Variants in PHACTR1 observed in about 807,000 individuals in gnomAD.
The protein encoded by PHACTR1 is phosphatase and actin regulator 1.
PHACTR1 carries 16 observed loss-of-function variants against 69.2 expected under a neutral mutation model. The observed-to-expected ratio is 0.23, with a 90% CI of 0.16 to 0.35. The LOEUF is 0.35. PHACTR1 is among the 10% of genes least tolerant of loss of function. The pLI is 1.00. For missense variants in PHACTR1, 510 were observed against 734.7 expected (o/e 0.69, Z 3.54); for synonymous variants, 312 against 284.5 (o/e 1.10, Z -0.97).
At chr6:13,061,884 T>C (rs1180622171) in intron 5 of PHACTR1, among the ~76,000 whole-genome samples, 1 of 152,226 alleles carries the variant, frequency 6.6e-6, no homozygotes, top group Non-Finnish European at 1.5e-5. Context: ...AATTGATTCA[T>C]AGAAAATCAA....
At chr6:12,720,096 A>T (rs2127555312) in intron 3 of PHACTR1, among the ~76,000 whole-genome samples, 1 of 152,300 alleles carries the variant, frequency 6.6e-6, no homozygotes, top group Non-Finnish European at 1.5e-5. Context: ...AGAGTGAGAG[A>T]CTGGCCAGGA....
Position 12,999,461 on chromosome 6 carries a change from G to A in PHACTR1, c.251-53904G>A, listed in dbSNP as rs568967884. On this transcript the variant is annotated intron_variant, in intron 4 of 14. Transcript: ENST00000332995. ...AACAAAATACAAAAATTAGCCGGGC[G>A]TGGTGGCAGGCCCCTGTAATTCCAG... 7.2e-5 allele frequency among the ~76,000 whole-genome samples: 11 copies of A among 152,232 alleles called. No individual in the cohort carries two copies. In the East Asian group the frequency reaches 2.1e-3, roughly 29 times the overall value.
chr6:13,205,734 C>A, intron 7 of PHACTR1, 81 bp from the exon 8 acceptor site: 1 of 1,357,342 alleles, frequency 7.4e-7, no homozygotes, highest in South Asian at 1.4e-5. Context: ...GCCACAGTCT[C>A]CAGGTGAGCG....
intron 6 of PHACTR1, among the ~76,000 whole-genome samples, chr6:13,178,524 T>C (rs930703558): frequency 6.6e-6 from 1 of 152,262 alleles, no homozygotes; most frequent in Non-Finnish European, 1.5e-5. Context: ...CAGAAACTAC[T>C]GGGTCAGAAG....
chr6:13,135,652 T>C (rs1311715914), intron 5 of PHACTR1, among the ~76,000 whole-genome samples: 2 of 152,078 alleles, frequency 1.3e-5, no homozygotes, highest in East Asian at 1.9e-4. Context: ...AGACAATATA[T>C]AGAGACAAAG....
chr6:13,123,573 T>A (rs1819073131), intron 5 of PHACTR1, among the ~76,000 whole-genome samples: 1 of 152,228 alleles, frequency 6.6e-6, no homozygotes, highest in Admixed American at 6.5e-5. Flanking sequence ...ATATCCTCCA[T>A]GAAATTAGAA....
At chr6:12,727,571 G>A (rs1762952510) in intron 3 of PHACTR1, among the ~76,000 whole-genome samples, 1 of 152,128 alleles carries the variant, frequency 6.6e-6, no homozygotes, top group African/African-American at 2.4e-5. Context: ...AAAATGCAAT[G>A]AACTAATTTC....
intron 8 of PHACTR1, among the ~76,000 whole-genome samples, chr6:13,209,225 G>A (rs1372990724): frequency 1.3e-5 from 2 of 152,206 alleles, no homozygotes; most frequent in African/African-American, 4.8e-5. Flanking sequence ...TTTCAGTGTA[G>A]GGAGGGAATC....
chr6:12,940,656 T>G (rs1789966348), intron 4 of PHACTR1, among the ~76,000 whole-genome samples: 1 of 152,218 alleles, frequency 6.6e-6, no homozygotes, highest in African/African-American at 2.4e-5. Context: ...TACATACATC[T>G]CATCCTGGCT....
At chr6:12,866,017 A>G (rs934954677) in intron 4 of PHACTR1, among the ~76,000 whole-genome samples, 3 of 152,136 alleles carry the variant, frequency 2.0e-5, no homozygotes, top group African/African-American at 7.2e-5. Context: ...CCTCAGAGTC[A>G]TCCCCTTTCT....
At chr6:13,231,740 G>A (rs909268320) in intron 10 of PHACTR1, among the ~76,000 whole-genome samples, 3 of 152,202 alleles carry the variant, frequency 2.0e-5, no homozygotes, top group African/African-American at 7.2e-5. Context: ...GTAATCAAGG[G>A]CATGTTTATG....
At chr6:12,928,798 T>G (rs1312326611) in intron 4 of PHACTR1, among the ~76,000 whole-genome samples, 1 of 152,106 alleles carries the variant, frequency 6.6e-6, no homozygotes, top group Non-Finnish European at 1.5e-5. Context: ...AGAGGGTGTT[T>G]GAGTCTATAA....
At chr6:12,969,081 G>A (rs1286730573) in intron 4 of PHACTR1, among the ~76,000 whole-genome samples, 4 of 152,118 alleles carry the variant, frequency 2.6e-5, no homozygotes, top group African/African-American at 9.7e-5. Context: ...TAGAAGAGTG[G>A]TTCATGACCC....
intron 4 of PHACTR1, among the ~76,000 whole-genome samples, chr6:13,003,467 T>C (rs572735598): frequency 1.6e-4 from 25 of 152,292 alleles, no homozygotes; most frequent in African/African-American, 6.0e-4. Flanking sequence ...AAGATAGATT[T>C]ACTTCCAGTG....
At position 12,960,531 on chromosome 6, in the gene PHACTR1, C is replaced by T. The variant is rs111404945; in HGVS notation, c.251-92834C>T. On this transcript the variant is annotated intron_variant, in intron 4 of 14. Transcript: ENST00000332995. ...CCACAGAGGGCATCAGTGGCAGCAC[C>T]AGATAAACAACATTTGTCCCCAGAC... is the stretch of plus-strand genomic sequence containing the variant. Among the ~76,000 whole-genome samples the T allele has an allele frequency of 4.4e-3, 670 of 152,290 alleles. 3 individuals carry two copies. The highest frequency in any genetic ancestry group is 0.015 in the African/African-American group (639 of 41,564).
intron 5 of PHACTR1, among the ~76,000 whole-genome samples, chr6:13,088,511 C>G (rs1322621204): frequency 6.6e-6 from 1 of 152,214 alleles, no homozygotes; most frequent in South Asian, 2.1e-4. Flanking sequence ...TAATTATATT[C>G]CCAAACTTTT....
chr6:12,837,520 A>G (rs909886561), intron 4 of PHACTR1, among the ~76,000 whole-genome samples: 3 of 152,214 alleles, frequency 2.0e-5, no homozygotes, highest in Non-Finnish European at 2.9e-5. Flanking sequence ...TTAAGCAGAT[A>G]TCTAGCATCT....
intron 5 of PHACTR1, among the ~76,000 whole-genome samples, chr6:13,110,269 G>A (rs1014114810): frequency 3.9e-5 from 6 of 152,082 alleles, no homozygotes; most frequent in African/African-American, 1.2e-4. Flanking sequence ...CTGGCTAGCA[G>A]TAATTTGCAT....
intron 5 of PHACTR1, among the ~76,000 whole-genome samples, chr6:13,147,837 G>A (rs1346853015): frequency 1.3e-5 from 2 of 152,038 alleles, no homozygotes; most frequent in Admixed American, 6.6e-5. Context: ...AGTGGGTTAA[G>A]CATCAATATA....
Sources: gnomAD v4.1 joint callset for allele counts (sites outside exome capture counted in the v4.1 genomes callset) on GRCh38, gnomAD v4.1.1 for gene constraint, MANE v1.5 for transcripts, NCBI Gene and HGNC (gene_info 2026-07-23, HGNC 2026-07-21) for gene names.